GRM7: variants seen among roughly 807,000 people sequenced by gnomAD.
The protein encoded by GRM7 is metabotropic glutamate receptor 7.
A neutral mutation model predicts 84.5 loss-of-function variants in GRM7; 35 were observed. The ratio of observed to expected loss-of-function variants is 0.41; its 90% CI spans 0.32 to 0.55. GRM7 has a LOEUF of 0.55. Ranked by LOEUF, GRM7 falls within the 20% of genes least tolerant of loss-of-function variation. The pLI is 0.19. For missense variants in GRM7, 1,003 were observed against 1,194.6 expected, an observed-to-expected ratio of 0.84 and a Z score of 2.36; for synonymous variants, 487 against 455.1, an observed-to-expected ratio of 1.07 and a Z score of -0.89.
chr3:7,509,186 G>C (rs748928921), intron 7 of GRM7, among the ~76,000 whole-genome samples: 7 of 152,058 alleles, frequency 4.6e-5, no homozygotes, highest in Non-Finnish European at 8.8e-5. Flanking sequence ...AGGGAGAAGA[G>C]GGTGAGTACA....
At chr3:7,367,289 A>C (rs919138481) in intron 4 of GRM7, among the ~76,000 whole-genome samples, 3 of 151,690 alleles carry the variant, frequency 2.0e-5, no homozygotes, top group African/African-American at 7.3e-5. Context: ...CACCATTGCT[A>C]TATTTCCAGT....
intron 2 of GRM7, among the ~76,000 whole-genome samples, chr3:7,200,789 T>G (rs1298868110): frequency 6.6e-6 from 1 of 152,092 alleles, no homozygotes; most frequent in Non-Finnish European, 1.5e-5. Context: ...GAAATGCATC[T>G]CAAGTGACTG....
chr3:7,062,396 A>T (rs766769933), intron 1 of GRM7, among the ~76,000 whole-genome samples: 2 of 151,750 alleles, frequency 1.3e-5, no homozygotes, highest in African/African-American at 2.4e-5. Context: ...ACAAGGAGCC[A>T]AGACAAAAGG....
chr3:7,672,508 T>G (rs941707472), intron 8 of GRM7, among the ~76,000 whole-genome samples: 6 of 152,210 alleles, frequency 3.9e-5, no homozygotes, highest in Non-Finnish European at 7.3e-5. Flanking sequence ...AAAGCCTTTT[T>G]GTCTTAATTC....
intron 4 of GRM7, among the ~76,000 whole-genome samples, chr3:7,414,351 G>C (rs1430067006): frequency 6.6e-6 from 1 of 152,140 alleles, no homozygotes; most frequent in Non-Finnish European, 1.5e-5. Flanking sequence ...GGTTAAGTAT[G>C]TACCTGCTCA....
chr3:7,060,285 AAGCTATTGGAAACGGCTTTCTAAC>A (rs1333304589), intron 1 of GRM7, among the ~76,000 whole-genome samples: 1 of 151,826 alleles, frequency 6.6e-6, no homozygotes, highest in African/African-American at 2.4e-5. Flanking sequence ...GTTTGGTATA[AAGCTATTGGAAACGGCTTTCTAAC>A]AGGATCTTGA....
chr3:7,615,361 T>TTTTTCAGTTTC (rs1697033863), intron 8 of GRM7, among the ~76,000 whole-genome samples: 1 of 152,164 alleles, frequency 6.6e-6, no homozygotes, highest in African/African-American at 2.4e-5. Flanking sequence ...TTAAAATGGC[T>TTTTTCAGTTTC]TACTTATTTT....
At chr3:7,287,772 A>C (rs1699481163) in intron 2 of GRM7, among the ~76,000 whole-genome samples, 1 of 152,160 alleles carries the variant, frequency 6.6e-6, no homozygotes, top group Non-Finnish European at 1.5e-5. Flanking sequence ...GCTCTAATTG[A>C]TAGGTGTACT....
chr3:7,080,221 C>A (rs1052051848), intron 1 of GRM7, among the ~76,000 whole-genome samples: 1 of 152,000 alleles, frequency 6.6e-6, no homozygotes, highest in Non-Finnish European at 1.5e-5. Context: ...GTTTCAGGGA[C>A]TTTTTCCAAA....
intron 8 of GRM7, among the ~76,000 whole-genome samples, chr3:7,615,754 T>G (rs906884334): frequency 6.6e-6 from 1 of 152,128 alleles, no homozygotes. Flanking sequence ...GAGGGACTAC[T>G]CAAAATACCA....
At chr3:7,549,595 A>G (rs1428264920) in intron 7 of GRM7, among the ~76,000 whole-genome samples, 1 of 152,218 alleles carries the variant, frequency 6.6e-6, no homozygotes, top group African/African-American at 2.4e-5. Flanking sequence ...CCCAAAAGTT[A>G]CCTAGAAAAC....
chr3:7,488,044 C>T (rs528000569), intron 7 of GRM7, among the ~76,000 whole-genome samples: 1 of 152,292 alleles, frequency 6.6e-6, no homozygotes, highest in Admixed American at 6.5e-5. Context: ...TATTCTGGAG[C>T]TTTAAGAGCT....
chr3:7,304,699 C>G (rs1434037158), intron 3 of GRM7, among the ~76,000 whole-genome samples: 1 of 151,922 alleles, frequency 6.6e-6, no homozygotes, highest in South Asian at 2.1e-4. Context: ...TATATCTATG[C>G]CAATTTAATT....
intron 8 of GRM7, among the ~76,000 whole-genome samples, chr3:7,602,885 C>T (rs919431278): frequency 1.3e-5 from 2 of 152,058 alleles, no homozygotes; most frequent in African/African-American, 4.8e-5. Flanking sequence ...TACACTATTT[C>T]CAGAGGCTTT....
At chr3:7,527,774 A>T (rs191980317) in intron 7 of GRM7, among the ~76,000 whole-genome samples, 2 of 152,052 alleles carry the variant, frequency 1.3e-5, no homozygotes, top group South Asian at 2.1e-4. Context: ...TTCTGTGCCT[A>T]TTGAGATGAT....
intron 4 of GRM7, among the ~76,000 whole-genome samples, chr3:7,409,490 T>A (rs950972660): frequency 1.3e-5 from 2 of 152,134 alleles, no homozygotes; most frequent in Admixed American, 1.3e-4. Context: ...TGTCTCTAAG[T>A]GGTTATTGTT....
intron 1 of GRM7, among the ~76,000 whole-genome samples, chr3:7,095,808 T>C (rs1376536645): frequency 6.6e-6 from 1 of 152,134 alleles, no homozygotes; most frequent in African/African-American, 2.4e-5. Context: ...AACTCTTATT[T>C]TGAATCTCTA....
intron 7 of GRM7, among the ~76,000 whole-genome samples, chr3:7,513,599 G>C (rs939628144): frequency 2.0e-4 from 30 of 152,138 alleles, no homozygotes; most frequent in African/African-American, 7.0e-4. Flanking sequence ...AAATAAAAGA[G>C]TGGACTTGTG....
At chr3:7,569,632 C>T (rs1694538412) in intron 7 of GRM7, among the ~76,000 whole-genome samples, 1 of 152,160 alleles carries the variant, frequency 6.6e-6, no homozygotes, top group Admixed American at 6.5e-5. Context: ...TGCTGCTCCT[C>T]ACCCTTTGGG....
Sources: gnomAD v4.1 joint callset for allele counts (sites outside exome capture counted in the v4.1 genomes callset) on GRCh38, gnomAD v4.1.1 for gene constraint, MANE v1.5 for transcripts, NCBI Gene and HGNC (gene_info 2026-07-23, HGNC 2026-07-21) for gene names.